The following CHD9 variants were observed in gnomAD, a reference collection of about 807,000 sequenced individuals.
CHD9 encodes the protein chromodomain helicase DNA binding protein 9, also known as ATP-dependent chromatin remodeler CHD9.
Under a neutral mutation model 316.1 loss-of-function variants are expected in CHD9, and 77 were observed. The observed-to-expected ratio is 0.24, with a 90% CI of 0.20 to 0.29. The LOEUF (loss-of-function observed/expected upper bound fraction) is 0.29. Among genes scored for constraint, CHD9 ranks in the 10% least tolerant of loss-of-function variants. The pLI, the probability that CHD9 is intolerant of heterozygous loss-of-function variation, is 1.00. For missense variants in CHD9, 2,763 were observed against 3,438.1 expected (o/e 0.80, Z 4.91); for synonymous variants, 1,129 against 1,158.3 (o/e 0.97, Z 0.51).
intron 2 of CHD9, among the ~76,000 whole-genome samples, chr16:53,204,869 A>G (rs1337070298): frequency 1.3e-5 from 2 of 152,104 alleles, no homozygotes; most frequent in Non-Finnish European, 2.9e-5. Context: ...TTTGAGACAG[A>G]GTTTCGCTCT....
chr16:53,320,842 A>C (rs1177578439), intron 37 of CHD9, among the ~76,000 whole-genome samples: 1 of 152,118 alleles, frequency 6.6e-6, no homozygotes, highest in East Asian at 1.9e-4. Context: ...TTAGGGTGTC[A>C]ATATATATAA....
chr16:53,140,704 C>T (rs532100799), intron 1 of CHD9, among the ~76,000 whole-genome samples: 1 of 152,310 alleles, frequency 6.6e-6, no homozygotes, highest in African/African-American at 2.4e-5. Flanking sequence ...TCTCTAACCT[C>T]AGCCTCCCAA....
chr16:53,178,500 A>C (rs1361381953), intron 2 of CHD9, among the ~76,000 whole-genome samples: 6 of 144,606 alleles, frequency 4.1e-5, no homozygotes, highest in Admixed American at 7.2e-5. Flanking sequence ...TGGCGCAAAC[A>C]TGGCTCACTG....
chr16:53,265,088 T>TA (rs1398138120), intron 20 of CHD9, among the ~76,000 whole-genome samples: 1 of 152,176 alleles, frequency 6.6e-6, no homozygotes, highest in Non-Finnish European at 1.5e-5. Flanking sequence ...AACATTACTG[T>TA]ATGTTAAAGT....
chr16:53,182,313 A>C (rs1039515707), intron 2 of CHD9, among the ~76,000 whole-genome samples: 1 of 151,806 alleles, frequency 6.6e-6, no homozygotes, highest in African/African-American at 2.4e-5. Context: ...TCTCATCCCA[A>C]CCTCCCAAGT....
At chr16:53,086,080 G>A (rs2035434613) in intron 1 of CHD9, among the ~76,000 whole-genome samples, 1 of 152,126 alleles carries the variant, frequency 6.6e-6, no homozygotes. Flanking sequence ...CCATATGTTT[G>A]AGAGGAAAGA....
chr16:53,156,417 C>G lies in CHD9; in HGVS notation c.328C>G (p.Gln110Glu), dbSNP rs751797135. 3 of 1,613,876 alleles carry G rather than the reference C, an allele frequency of 1.9e-6. No homozygotes were observed. Among genetic ancestry groups the G allele is most frequent in the South Asian group, 2.2e-5 (2 of 91,088 alleles). ...TTGTTCTCCAATCCATCCCCAAAACCAACCCAATGGTTTGTTTCCAGATGT... is the reference window on the plus strand; with the variant it reads ...TTGTTCTCCAATCCATCCCCAAAACGAACCCAATGGTTTGTTTCCAGATGT... ...FNCSPIHPQN[Q>E]PNGLFPDVSD... The change falls in exon 2 of 39, where the codon CAA becomes GAA. Residue 110 changes from glutamine (Q) to glutamate (E), a missense_variant. Physicochemically the swap from Gln to Glu is conservative, Grantham distance 29 (BLOSUM62 2). Around this residue, in one of 15 missense-constraint regions of CHD9, gnomAD observed 859 missense variants for 890.4 expected, o/e 0.96. Coordinates refer to ENST00000447540, the MANE Select transcript of CHD9 (RefSeq NM_001308319.2).
At chr16:53,238,291 G>T in intron 11 of CHD9, 52 bp from the exon 12 acceptor site, 1 of 1,431,806 alleles carries the variant, frequency 7.0e-7, no homozygotes, top group Non-Finnish European at 9.4e-7. Flanking sequence ...TATCTTTAAA[G>T]TATAGAAAAA....
At chr16:53,147,690 T>C (rs2040742198) in intron 1 of CHD9, among the ~76,000 whole-genome samples, 2 of 152,234 alleles carry the variant, frequency 1.3e-5, no homozygotes, top group Non-Finnish European at 2.9e-5. Context: ...ATCAAAACTT[T>C]ATTACTTTTT....
intron 11 of CHD9, among the ~76,000 whole-genome samples, 153 bp downstream of exon 11, chr16:53,235,459 C>T (rs1411932384): frequency 1.3e-5 from 2 of 152,122 alleles, no homozygotes; most frequent in Non-Finnish European, 2.9e-5. Context: ...TAAATTGCAA[C>T]TTAGGTTTCA....
At chr16:53,170,421 A>G (rs1056268980) in intron 2 of CHD9, among the ~76,000 whole-genome samples, 12 of 152,208 alleles carry the variant, frequency 7.9e-5, no homozygotes, top group African/African-American at 1.4e-4. Context: ...ACTCTGTGCT[A>G]TTTTAACAGA....
At chr16:53,112,766 C>A (rs1015146037) in intron 1 of CHD9, among the ~76,000 whole-genome samples, 6 of 152,150 alleles carry the variant, frequency 3.9e-5, no homozygotes, top group South Asian at 2.1e-4. Flanking sequence ...ATAATCCCAG[C>A]ACTTTGTGAG....
intron 1 of CHD9, among the ~76,000 whole-genome samples, chr16:53,105,012 A>C (rs2037209818): frequency 6.6e-6 from 1 of 151,568 alleles, no homozygotes; most frequent in Non-Finnish European, 1.5e-5. Flanking sequence ...AACAAAAAAA[A>C]CACAAAAAAC....
chr16:53,221,528 T>C (rs1338544591), intron 3 of CHD9, among the ~76,000 whole-genome samples: 1 of 152,188 alleles, frequency 6.6e-6, no homozygotes, highest in Non-Finnish European at 1.5e-5. Context: ...TTTAAAATCA[T>C]GCCCCTGCAT....
Position 53,304,116 on chromosome 16 carries a change from C to T in CHD9, c.6110C>T (p.Ala2037Val), listed in dbSNP as rs572844867. Residue 2037 changes from alanine to valine, a missense_variant, in exon 31 of 39, where the codon GCT becomes GTT. Transcript: ENST00000447540. ...ACCTCTCTACCTAGGCTCCTAGATG[C>T]TAAAGGTATTATTCTAGAGGAGATG... Reference protein sequence around the residue: ...PLTSLPRLLDAKGIILEEMKV... With the variant: ...PLTSLPRLLDVKGIILEEMKV... 2.2e-5 allele frequency: 35 copies of T among 1,613,794 alleles called. No homozygotes were observed. In the South Asian group the frequency reaches 3.7e-4, roughly 17 times the overall value.
chr16:53,272,045 T>A (rs996629327), intron 22 of CHD9, among the ~76,000 whole-genome samples: 1 of 152,098 alleles, frequency 6.6e-6, no homozygotes, highest in African/African-American at 2.4e-5. Context: ...ATGTATATTT[T>A]CACCTGTTAA....
At chr16:53,146,253 C>T (rs1046906431) in intron 1 of CHD9, among the ~76,000 whole-genome samples, 3 of 143,762 alleles carry the variant, frequency 2.1e-5, no homozygotes, top group African/African-American at 7.8e-5. Flanking sequence ...ATTAGTCGGG[C>T]ATTGTGACGG....
At chr16:53,249,208 G>A (rs2049930715) in intron 16 of CHD9, among the ~76,000 whole-genome samples, 1 of 152,104 alleles carries the variant, frequency 6.6e-6, no homozygotes, top group African/African-American at 2.4e-5. Context: ...GATAACCGCG[G>A]AGAGACTGCT....
rs2054366925 is a variant in CHD9, at chr16:53,291,825, CATGAG to C, written c.5290+61_5290+65del. ...TTGTAAATTCACATTCTAATCATACCATGAGATCAGTAAACTATTACACTTTTATA... is the reference window on the plus strand; with the variant it reads ...TTGTAAATTCACATTCTAATCATACCATCAGTAAACTATTACACTTTTATA... On this transcript the variant is annotated intron_variant, in intron 28 of 38. Coordinates refer to ENST00000447540, the MANE Select transcript of CHD9 (RefSeq NM_001308319.2). The C allele has an allele frequency of 1.7e-5, 18 of 1,049,482 alleles. No homozygotes were observed. In the South Asian group the frequency reaches 2.8e-4, roughly 16 times the overall value. 65.0% of individuals were successfully genotyped at this position (1,049,482 alleles called of 1,614,324 possible).
Sources: allele counts gnomAD v4.1 joint callset (sites outside exome capture counted in the v4.1 genomes callset), GRCh38; gene constraint gnomAD v4.1.1; regional missense constraint gnomAD v4.1.1; transcripts MANE v1.5; gene names NCBI Gene and HGNC (gene_info 2026-07-23, HGNC 2026-07-21).